Variants in TDRD3 observed in about 807,000 individuals in gnomAD.
TDRD3 encodes tudor domain-containing protein 3.
In TDRD3, 45 loss-of-function variants were observed where a neutral mutation model predicts 86.7. The ratio of observed to expected loss-of-function variants is 0.52; its 90% CI spans 0.41 to 0.67. The LOEUF is 0.67. Among genes scored for constraint, TDRD3 ranks in the 30% least tolerant of loss-of-function variants. TDRD3 has a pLI of 0.00. For synonymous variants in TDRD3, 298 were observed against 301.7 expected, an observed-to-expected ratio of 0.99 and a Z score of 0.13; for missense variants, 814 against 889.0, an observed-to-expected ratio of 0.92 and a Z score of 1.07.
chr13:60,508,775 C>T (rs1956992028), intron 8 of TDRD3, among the ~76,000 whole-genome samples: 1 of 152,172 alleles, frequency 6.6e-6, no homozygotes, highest in African/African-American at 2.4e-5. Context: ...TAACCTTCAT[C>T]AAGTTAACAG....
At chr13:60,443,736 A>G (rs905451407) in intron 2 of TDRD3, among the ~76,000 whole-genome samples, 6 of 151,912 alleles carry the variant, frequency 3.9e-5, no homozygotes, top group Non-Finnish European at 5.9e-5. Context: ...GGTTAAATGC[A>G]CTTTAAGTCT....
In TDRD3 at chr13:60,534,838, G is replaced by T. The variant is rs553030655; in HGVS notation, c.1993-270G>T. Among the ~76,000 whole-genome samples, 5 of 151,092 alleles carry T rather than the reference G, an allele frequency of 3.3e-5. No homozygotes were observed. The South Asian group carries it at 1.0e-3, about 32-fold the overall frequency. ...AGCTTCTCAAGAGGTTGAGATGGGA[G>T]GATCGCTTGGGCTGGGGAGGCGGAG... On this transcript the variant is annotated intron_variant, in intron 11 of 13. Coordinates refer to ENST00000377881, the MANE Select transcript of TDRD3 (RefSeq NM_001146070.2).
chr13:60,543,099 A>G (rs1957853543), intron 12 of TDRD3, among the ~76,000 whole-genome samples: 1 of 152,192 alleles, frequency 6.6e-6, no homozygotes. Flanking sequence ...GTAGCCTGTC[A>G]TTGGCTGAGA....
chr13:60,492,917 C>CTTTTTTTTT (rs71199004), intron 7 of TDRD3, among the ~76,000 whole-genome samples: 469 of 115,454 alleles, frequency 4.1e-3, no homozygotes, highest in Non-Finnish European at 5.4e-3. Context: ...TCTTTCTTTT[C>CTTTTTTTTT]TTTTTTTTTT....
chr13:60,431,417 T>C (rs1293380769), intron 1 of TDRD3, among the ~76,000 whole-genome samples: 2 of 151,962 alleles, frequency 1.3e-5, no homozygotes, highest in East Asian at 1.9e-4. Context: ...TTAAACACTT[T>C]TGAATACTGT....
Position 60,460,386 on chromosome 13 carries a change from G to T in TDRD3, c.199G>T (p.Gly67Cys). 6.3e-7 allele frequency: 1 copy of T among 1,599,650 alleles called. No individual in the cohort carries two copies. Residue 67 changes from glycine (G) to cysteine (C), a missense_variant, in exon 4 of 14, where the codon GGT becomes TGT. Coordinates refer to ENST00000377881, the MANE Select transcript of TDRD3 (RefSeq NM_001146070.2). Reference sequence around the variant, plus strand: ...TTCTTTTCTGTTTTGACAGCTCGAAGGTCCATGTGTTTTGCAAATTCAAAA... The same window carrying T: ...TTCTTTTCTGTTTTGACAGCTCGAATGTCCATGTGTTTTGCAAATTCAAAA... ...INSGKVEKLE[G>C]PCVLQIQKIR...
At chr13:60,474,477 A>G (rs1956143355) in intron 5 of TDRD3, among the ~76,000 whole-genome samples, 1 of 152,220 alleles carries the variant, frequency 6.6e-6, no homozygotes, top group Non-Finnish European at 1.5e-5. Context: ...CAGACCTTGT[A>G]GGGCTGGGCC....
intron 1 of TDRD3, among the ~76,000 whole-genome samples, chr13:60,425,077 G>T (rs1217925807): frequency 2.6e-5 from 4 of 151,972 alleles, no homozygotes; most frequent in Non-Finnish European, 5.9e-5. Flanking sequence ...TAACAAAATA[G>T]ACAAACCATT....
chr13:60,444,303 G>A (rs987723772), intron 2 of TDRD3, among the ~76,000 whole-genome samples: 4 of 151,660 alleles, frequency 2.6e-5, no homozygotes, highest in African/African-American at 9.7e-5. Flanking sequence ...ATGAGATTCA[G>A]TTTTAAAAAA....
intron 1 of TDRD3, among the ~76,000 whole-genome samples, chr13:60,425,563 G>T (rs1379994983): frequency 3.3e-5 from 5 of 152,148 alleles, no homozygotes; most frequent in African/African-American, 1.2e-4. Flanking sequence ...GCACTTCCAA[G>T]TTTATTGCAG....
intron 7 of TDRD3, among the ~76,000 whole-genome samples, chr13:60,489,843 T>C (rs1450832601): frequency 1.3e-5 from 2 of 152,160 alleles, no homozygotes; most frequent in Non-Finnish European, 2.9e-5. Context: ...CAGAAGATAT[T>C]GAGAATATAT....
At chr13:60,421,831 C>T (rs753311286) in intron 1 of TDRD3, among the ~76,000 whole-genome samples, 2 of 152,062 alleles carry the variant, frequency 1.3e-5, no homozygotes, top group Non-Finnish European at 2.9e-5. Flanking sequence ...TACAGAAAAG[C>T]AGAGGAGAGA....
At chr13:60,497,229 A>G (rs200543051) in intron 8 of TDRD3, among the ~76,000 whole-genome samples, 1 of 152,270 alleles carries the variant, frequency 6.6e-6, no homozygotes, top group South Asian at 2.1e-4. Flanking sequence ...AACATGGACC[A>G]GAAGAGTGTG....
intron 13 of TDRD3, among the ~76,000 whole-genome samples, chr13:60,569,960 T>C (rs1686403142): frequency 2.0e-5 from 3 of 152,158 alleles, no homozygotes; most frequent in Admixed American, 6.5e-5. Context: ...ACTATGACAC[T>C]CGTAGATGAC....
chr13:60,432,491 T>C (rs1047164267), intron 1 of TDRD3, among the ~76,000 whole-genome samples: 4 of 152,154 alleles, frequency 2.6e-5, no homozygotes, highest in Non-Finnish European at 5.9e-5. Flanking sequence ...AATTGGCAAG[T>C]TAATTCTTTC....
chr13:60,421,058 G>C (rs1474750763), intron 1 of TDRD3, among the ~76,000 whole-genome samples: 1 of 152,168 alleles, frequency 6.6e-6, no homozygotes, highest in Non-Finnish European at 1.5e-5. Flanking sequence ...TTTATGATAA[G>C]TACTGATAAC....
intron 1 of TDRD3, among the ~76,000 whole-genome samples, chr13:60,429,842 C>CCTT: frequency 6.6e-6 from 1 of 152,162 alleles, no homozygotes. Context: ...AAATTGTATT[C>CCTT]TCTTTCTCAT....
Position 60,565,041 on chromosome 13 carries a change from CTTTTTTTTTTTTTTTTT to C in TDRD3, c.2119-2468_2119-2452del, listed in dbSNP as rs869194148. 5.6e-4 allele frequency among the ~76,000 whole-genome samples: 40 copies of C among 70,886 alleles called. 2 individuals carry two copies. Among genetic ancestry groups the C allele is most frequent in the Admixed American group, 2.4e-3 (11 of 4,602 alleles). The allele number at this position is 70,886 out of a possible 152,430, so 46.5% of individuals were successfully genotyped here. The stretch of plus-strand genomic sequence containing the variant: ...GAACTGAAAACCAAACTATCAGTAT[CTTTTTTTTTTTTTTTTT>C]TTTTTTTTTTTTTTTGAGACGGAGT... On this transcript the variant is annotated intron_variant, in intron 12 of 13. Coordinates refer to ENST00000377881, the MANE Select transcript of TDRD3 (RefSeq NM_001146070.2).
chr13:60,528,485 G>T lies in TDRD3; in HGVS notation c.1260G>T (p.Gln420His). The change falls in exon 11 of 14, where the codon CAG (glutamine) becomes CAT (histidine). Residue 420 changes from glutamine (Q) to histidine (H), a missense_variant. By Grantham distance (24) the Gln-to-His change is conservative (BLOSUM62 0). Transcript: ENST00000377881. ...ATCCTCCTCGAAATGATACCAGGCA[G>T]CCAAGAAATGAAAAACCGCCTCGTT... ...LRHPPRNDTR[Q>H]PRNEKPPRFQ... The T allele has an allele frequency of 6.2e-7, 1 of 1,613,944 alleles. No homozygotes were observed. Among genetic ancestry groups the T allele is most frequent in the Non-Finnish European group, 8.5e-7 (1 of 1,179,932 alleles).
Sources: gnomAD v4.1 joint callset for allele counts (sites outside exome capture counted in the v4.1 genomes callset) on GRCh38, gnomAD v4.1.1 for gene constraint, MANE v1.5 for transcripts, NCBI Gene and HGNC (gene_info 2026-07-23, HGNC 2026-07-21) for gene names.